MAMLD1: variants seen among roughly 807,000 people sequenced by gnomAD.
MAMLD1 encodes the protein mastermind like domain containing 1.
MAMLD1 carries 14 observed loss-of-function variants against 45.0 expected under a neutral mutation model. That is an observed-to-expected ratio of 0.31 (90% CI 0.21 to 0.49). The LOEUF (loss-of-function observed/expected upper bound fraction) is 0.49. MAMLD1 is among the 20% of genes least tolerant of loss of function. MAMLD1 has a pLI of 0.99. For missense variants in MAMLD1, 543 were observed against 603.6 expected (o/e 0.90, Z 1.05); for synonymous variants, 254 against 247.8 (o/e 1.02, Z -0.24).
At chrX:150,447,093 A>G (rs782545685) in intron 2 of MAMLD1, among the ~76,000 whole-genome samples, 1 of 112,469 alleles carries the variant, frequency 8.9e-6, no homozygotes, top group South Asian at 3.7e-4. Flanking sequence ...TCCTTAGAAT[A>G]GGTCCTTGGA....
intron 7 of MAMLD1, among the ~76,000 whole-genome samples, chrX:150,511,515 C>A (rs893771546): frequency 5.3e-5 from 6 of 112,214 alleles, no homozygotes; most frequent in Non-Finnish European, 9.4e-5. Context: ...ACCACACTCA[C>A]TTGCTGTCCC....
chrX:150,459,632 T>A (rs2035975427), intron 2 of MAMLD1, among the ~76,000 whole-genome samples: 1 of 109,788 alleles, frequency 9.1e-6, no homozygotes, highest in Admixed American at 9.7e-5. Flanking sequence ...AGGGTGGGGG[T>A]GATCACATTA....
intron 5 of MAMLD1, among the ~76,000 whole-genome samples, chrX:150,488,734 A>G (rs6627230): frequency 8.9e-6 from 1 of 112,748 alleles, no homozygotes; most frequent in Admixed American, 9.3e-5. Context: ...TCCCAGGCAC[A>G]GTGGTAGGTT....
intron 6 of MAMLD1, among the ~76,000 whole-genome samples, chrX:150,506,685 A>G (rs1318860290): frequency 8.9e-6 from 1 of 112,581 alleles, no homozygotes; most frequent in Non-Finnish European, 1.9e-5. Flanking sequence ...CATTCTTCCC[A>G]TGCAGTGGTG....
At chrX:150,509,897 C>T (rs1198054625) in intron 6 of MAMLD1, 65 bp from the exon 7 acceptor site, 17 of 831,634 alleles carry the variant, frequency 2.0e-5, no homozygotes, top group Admixed American at 6.6e-5. Context: ...CCCCACGCAG[C>T]GATCCTAAGG....
At chrX:150,410,183 C>T (rs371402511) in intron 1 of MAMLD1, among the ~76,000 whole-genome samples, 73 of 112,219 alleles carry the variant, frequency 6.5e-4, no homozygotes, top group African/African-American at 2.2e-3. Flanking sequence ...CCCACAGCAA[C>T]GAAGCAGTAA....
Position 150,471,360 on chromosome X carries a change from T to TGCAGCAGCA in MAMLD1, c.1797_1805dup (p.Gln604_Gln606dup). On this transcript the variant is annotated inframe_insertion, in exon 4 of 8. Coordinates refer to ENST00000370401, the MANE Select transcript of MAMLD1 (RefSeq NM_005491.5). ...TCCACGGCCACTGCCACCTTGCAGC[T>TGCAGCAGCA]GCAGCAGCAGCAGCAGCAACAGCAG... 3 of 1,200,858 alleles carry TGCAGCAGCA rather than the reference T, an allele frequency of 2.5e-6. No individual in the cohort carries two copies. The highest frequency in any genetic ancestry group is 2.3e-6 in the Non-Finnish European group (2 of 887,424).
chrX:150,370,144 T>C (rs1034823046), intron 1 of MAMLD1, among the ~76,000 whole-genome samples: 2 of 109,066 alleles, frequency 1.8e-5, no homozygotes, highest in African/African-American at 6.7e-5. Flanking sequence ...GGGAGGGAGA[T>C]AAATGATGGA....
At chrX:150,416,902 C>A (rs1489348361) in intron 1 of MAMLD1, among the ~76,000 whole-genome samples, 2 of 111,994 alleles carry the variant, frequency 1.8e-5, no homozygotes, top group Non-Finnish European at 3.8e-5. Flanking sequence ...GGTTTTTTTC[C>A]TATTATTCTA....
intron 2 of MAMLD1, among the ~76,000 whole-genome samples, chrX:150,456,674 C>T (rs928067603): frequency 3.6e-5 from 4 of 112,406 alleles, no homozygotes; most frequent in East Asian, 2.8e-4. Context: ...GGTACACACC[C>T]GTTGCACAGG....
In MAMLD1 at chrX:150,493,191, A is replaced by G. The variant is rs925543259; in HGVS notation, c.2041-10083A>G. On this transcript the variant is annotated intron_variant, in intron 5 of 7. Coordinates refer to ENST00000370401, the MANE Select transcript of MAMLD1 (RefSeq NM_005491.5). ...ATTCCTGACAAGAGCTCAGAGAGCC[A>G]ACACCAGACAAACTCTAAGTCCCCT... Among the ~76,000 whole-genome samples, 3 of 111,686 alleles carry G rather than the reference A, an allele frequency of 2.7e-5. No individual in the cohort carries two copies. The Admixed American group carries it at 2.8e-4, about 11-fold the overall frequency.
chrX:150,381,796 T>C (rs1557401681), intron 1 of MAMLD1, among the ~76,000 whole-genome samples: 1 of 112,093 alleles, frequency 8.9e-6, no homozygotes, highest in Admixed American at 9.5e-5. Context: ...TTTTCTGGAG[T>C]TTATTTTTCA....
At chrX:150,366,833 G>C (rs2031494094) in intron 1 of MAMLD1, among the ~76,000 whole-genome samples, 1 of 111,001 alleles carries the variant, frequency 9.0e-6, no homozygotes, top group African/African-American at 3.3e-5. Context: ...AGTGGAACTT[G>C]GGACAGACGA....
chrX:150,400,059 G>A (rs782117453), intron 1 of MAMLD1, among the ~76,000 whole-genome samples: 1 of 111,708 alleles, frequency 9.0e-6, no homozygotes, highest in Non-Finnish European at 1.9e-5. Flanking sequence ...GAAACAAGAC[G>A]GTGGCCTAAG....
intron 5 of MAMLD1, among the ~76,000 whole-genome samples, chrX:150,490,006 C>T (rs782286779): frequency 8.9e-6 from 1 of 111,929 alleles, no homozygotes; most frequent in South Asian, 3.7e-4. Flanking sequence ...CTGGAGGAGT[C>T]CTGCTCCTCA....
At position 150,436,353 on chromosome X, in the gene MAMLD1, A is replaced by G. The variant is rs191558937; in HGVS notation, c.-63-9101A>G. Among the ~76,000 whole-genome samples the G allele has an allele frequency of 1.3e-4, 14 of 111,766 alleles. No individual in the cohort carries two copies. The East Asian group carries it at 3.7e-3, about 29-fold the overall frequency. The stretch of plus-strand genomic sequence containing the variant: ...TGCTTTCTCTCCTTCTCTTTCAGGG[A>G]TGCCAATGAGTCATAGATGTGATCT... On this transcript the variant is annotated intron_variant, in intron 1 of 7. Coordinates refer to ENST00000370401, the MANE Select transcript of MAMLD1 (RefSeq NM_005491.5).
chrX:150,507,583 T>C (rs1557408891), intron 6 of MAMLD1, among the ~76,000 whole-genome samples: 2 of 112,147 alleles, frequency 1.8e-5, no homozygotes, highest in African/African-American at 3.2e-5. Context: ...TTGAAGATCC[T>C]GCAGAGCTGG....
intron 1 of MAMLD1, among the ~76,000 whole-genome samples, chrX:150,417,770 G>A (rs1254283065): frequency 9.1e-6 from 1 of 109,701 alleles, no homozygotes; most frequent in Non-Finnish European, 1.9e-5. Context: ...GTGATGATGA[G>A]CATTTTTTCA....
chrX:150,482,990 G>A (rs1400871867), intron 5 of MAMLD1, among the ~76,000 whole-genome samples: 1 of 112,264 alleles, frequency 8.9e-6, no homozygotes, highest in African/African-American at 3.2e-5. Flanking sequence ...ACAGTTTGCT[G>A]AGTAATACAG....
Sources: gnomAD v4.1 joint callset for allele counts (sites outside exome capture counted in the v4.1 genomes callset) on GRCh38, gnomAD v4.1.1 for gene constraint, MANE v1.5 for transcripts, NCBI Gene and HGNC (gene_info 2026-07-23, HGNC 2026-07-21) for gene names.